Variants in PTPRD observed in about 807,000 individuals in gnomAD.
The protein encoded by PTPRD is protein tyrosine phosphatase receptor type D.
PTPRD carries 34 observed loss-of-function variants against 214.5 expected under a neutral mutation model. The ratio of observed to expected loss-of-function variants is 0.16; its 90% CI spans 0.12 to 0.21. PTPRD has a LOEUF of 0.21. PTPRD is among the 10% of genes least tolerant of loss of function. The pLI is 1.00. For missense variants in PTPRD, 2,545 were observed against 2,398.7 expected, an observed-to-expected ratio of 1.06 and a Z score of -1.27; for synonymous variants, 1,128 against 845.7, an observed-to-expected ratio of 1.33 and a Z score of -5.79.
At chr9:10,236,600 A>G (rs1392294753) in intron 3 of PTPRD, among the ~76,000 whole-genome samples, 3 of 151,910 alleles carry the variant, frequency 2.0e-5, no homozygotes, top group African/African-American at 7.2e-5. Flanking sequence ...CACAATATAT[A>G]ATAAGTTATT....
intron 11 of PTPRD, among the ~76,000 whole-genome samples, chr9:8,900,675 A>G (rs941035603): frequency 3.3e-5 from 5 of 152,196 alleles, no homozygotes; most frequent in African/African-American, 1.2e-4. Context: ...TATGAGTGAC[A>G]TAAGGTCTTT....
rs190389556 is a variant in PTPRD at position 10,427,054 on chromosome 9, G to T, written c.-599-86037C>A. Among the ~76,000 whole-genome samples the T allele has an allele frequency of 6.3e-3, 963 of 152,048 alleles. 4 individuals carry two copies. The highest frequency in any genetic ancestry group is 0.01 in the Admixed American group (159 of 15,232). ...TTGCTGCAAAGAGGTATTTTGGGGG[G>T]TATTGTTTTTCTTTTAATTTATTAA... On this transcript the variant is annotated intron_variant, in intron 2 of 45. Coordinates refer to ENST00000381196, the MANE Select transcript of PTPRD (RefSeq NM_002839.4).
At chr9:10,133,411 C>A (rs1398830772) in intron 3 of PTPRD, among the ~76,000 whole-genome samples, 1 of 152,120 alleles carries the variant, frequency 6.6e-6, no homozygotes, top group African/African-American at 2.4e-5. Context: ...GTGTTCCCAC[C>A]TCACATCTAG....
At chr9:9,910,005 C>A (rs1008431237) in intron 5 of PTPRD, among the ~76,000 whole-genome samples, 2 of 151,928 alleles carry the variant, frequency 1.3e-5, no homozygotes, top group Non-Finnish European at 2.9e-5. Flanking sequence ...CTTGGTGTTA[C>A]TATTTTATGG....
chr9:9,653,859 G>C (rs2096441699), intron 7 of PTPRD, among the ~76,000 whole-genome samples: 1 of 152,064 alleles, frequency 6.6e-6, no homozygotes, highest in Non-Finnish European at 1.5e-5. Context: ...TTATTTTCTT[G>C]CTCCCTTATG....
intron 11 of PTPRD, among the ~76,000 whole-genome samples, chr9:8,959,571 G>C (rs914115550): frequency 6.6e-6 from 1 of 151,916 alleles, no homozygotes; most frequent in Admixed American, 6.6e-5. Context: ...AACATCACAA[G>C]TGCAAGTATC....
intron 12 of PTPRD, among the ~76,000 whole-genome samples, chr9:8,733,516 G>A (rs1407541149): frequency 6.6e-6 from 1 of 152,008 alleles, no homozygotes; most frequent in Non-Finnish European, 1.5e-5. Context: ...TTTGCTACCA[G>A]GCTGATAAGA....
intron 11 of PTPRD, among the ~76,000 whole-genome samples, chr9:8,782,483 C>G (rs752958253): frequency 1.3e-5 from 2 of 152,052 alleles, no homozygotes; most frequent in Non-Finnish European, 2.9e-5. Flanking sequence ...TCCTCAATTT[C>G]TTTTCATCAT....
intron 3 of PTPRD, among the ~76,000 whole-genome samples, chr9:10,283,031 C>T (rs980474279): frequency 6.6e-6 from 1 of 151,754 alleles, no homozygotes; most frequent in African/African-American, 2.4e-5. Context: ...TTAAGAAAAC[C>T]TCCATTTTCC....
intron 11 of PTPRD, among the ~76,000 whole-genome samples, chr9:8,925,768 C>A (rs1026769370): frequency 1.3e-5 from 2 of 151,572 alleles, no homozygotes; most frequent in African/African-American, 4.9e-5. Context: ...CCTTTCTCCC[C>A]CTGACACTCA....
At chr9:9,334,799 A>C (rs1239158691) in intron 9 of PTPRD, among the ~76,000 whole-genome samples, 1 of 151,962 alleles carries the variant, frequency 6.6e-6, no homozygotes, top group Non-Finnish European at 1.5e-5. Flanking sequence ...TGCTTTGTTC[A>C]GAAGTGCAGA....
intron 6 of PTPRD, among the ~76,000 whole-genome samples, chr9:9,743,735 C>CACACACAT (rs2098428433): frequency 6.8e-6 from 1 of 146,772 alleles, no homozygotes; most frequent in Admixed American, 6.8e-5. Flanking sequence ...AGTCTATACA[C>CACACACAT]ACACACACAC....
At chr9:8,675,679 C>G (rs940642020) in intron 12 of PTPRD, among the ~76,000 whole-genome samples, 5 of 151,886 alleles carry the variant, frequency 3.3e-5, no homozygotes, top group Non-Finnish European at 5.9e-5. Flanking sequence ...AGTTACTAAG[C>G]TTGTGGACCC....
chr9:8,610,299 G>A lies in PTPRD; in HGVS notation c.352+23018C>T, dbSNP rs189422379. Among the ~76,000 whole-genome samples, 258 of 152,110 alleles carry A rather than the reference G, an allele frequency of 1.7e-3. 2 individuals are homozygous for A. The highest frequency in any genetic ancestry group is 5.7e-3 in the African/African-American group (236 of 41,504). ...TTGTAAAGCACTTAGCATACTGTTC[G>A]GCACATATTAAATACTCAATAAATG... is the stretch of plus-strand genomic sequence containing the variant. On this transcript the variant is annotated intron_variant, in intron 14 of 45. Transcript: ENST00000381196.
chr9:9,368,830 T>C (rs1023223322), intron 9 of PTPRD, among the ~76,000 whole-genome samples: 6 of 152,006 alleles, frequency 3.9e-5, no homozygotes, highest in African/African-American at 1.4e-4. Flanking sequence ...TGTGTACACA[T>C]GTGCCATGTT....
chr9:10,037,709 GT>G, intron 3 of PTPRD, among the ~76,000 whole-genome samples: 1 of 151,934 alleles, frequency 6.6e-6, no homozygotes, highest in South Asian at 2.1e-4. Flanking sequence ...ATCAATCTTC[GT>G]TTTCTTGGAA....
chr9:8,476,592 T>G (rs545615405), intron 30 of PTPRD, among the ~76,000 whole-genome samples: 1 of 152,336 alleles, frequency 6.6e-6, no homozygotes, highest in East Asian at 1.9e-4. Flanking sequence ...CTTCTCTGAT[T>G]TTTTTTAAAC....
intron 8 of PTPRD, among the ~76,000 whole-genome samples, chr9:9,457,028 GC>G (rs1436226606): frequency 5.9e-5 from 9 of 152,044 alleles, no homozygotes; most frequent in African/African-American, 2.2e-4. Context: ...CAGTCATAGG[GC>G]AACTCTCTCT....
intron 12 of PTPRD, among the ~76,000 whole-genome samples, chr9:8,644,276 T>C (rs961148857): frequency 2.0e-5 from 3 of 151,856 alleles, no homozygotes; most frequent in Non-Finnish European, 4.4e-5. Flanking sequence ...CTACCCTCTC[T>C]GACAGGAGCT....
Sources: allele counts gnomAD v4.1 joint callset (sites outside exome capture counted in the v4.1 genomes callset), GRCh38; gene constraint gnomAD v4.1.1; transcripts MANE v1.5; gene names NCBI Gene and HGNC (gene_info 2026-07-23, HGNC 2026-07-21).